Variants in CRYBA4 observed in about 807,000 individuals in gnomAD.
CRYBA4 encodes the protein beta-crystallin A4.
A neutral mutation model predicts 31.7 loss-of-function variants in CRYBA4; 30 were observed. The ratio of observed to expected loss-of-function variants is 0.95; its 90% CI spans 0.71 to 1.28. CRYBA4 has a LOEUF of 1.28. Among genes scored for constraint, CRYBA4 ranks in the 50% most tolerant of loss-of-function variants. The pLI is 0.00. For synonymous variants in CRYBA4, 102 were observed against 102.3 expected, an observed-to-expected ratio of 1.00 and a Z score of 0.02; for missense variants, 225 against 260.7, an observed-to-expected ratio of 0.86 and a Z score of 0.94.
chr22:26,622,046 C>G, intron 1 of CRYBA4, 60 bp downstream of exon 1: 1 of 929,652 alleles, frequency 1.1e-6, no homozygotes, highest in Non-Finnish European at 1.3e-6. Flanking sequence ...TTCTGGGAGG[C>G]GAGGAACCCA....
Position 26,628,376 on chromosome 22 carries a change from A to G in CRYBA4, c.389A>G (p.Gln130Arg). Reference sequence around the variant, plus strand: ...CTGAGCGATGACTATCCTTCCCTCCAGGCCATGGGATGGGAAGGCAATGAA... The same window carrying G: ...CTGAGCGATGACTATCCTTCCCTCCGGGCCATGGGATGGGAAGGCAATGAA... ...GELSDDYPSLQAMGWEGNEVG... is the reference protein window; with the variant it reads ...GELSDDYPSLRAMGWEGNEVG... Residue 130 changes from glutamine (Q) to arginine (R), a missense_variant, in exon 5 of 6, where the codon CAG (glutamine) becomes CGG (arginine). Physicochemically the swap from Gln to Arg is conservative, Grantham distance 43 (BLOSUM62 1). Coordinates refer to ENST00000354760, the MANE Select transcript of CRYBA4 (RefSeq NM_001886.3). 2.5e-6 allele frequency: 4 copies of G among 1,614,062 alleles called. No individual in the cohort carries two copies. The highest frequency in any genetic ancestry group is 1.7e-6 in the Non-Finnish European group (2 of 1,179,994).
chr22:26,617,711 C>A (rs1462088964), upstream of CRYBA4, among the ~76,000 whole-genome samples: 1 of 151,986 alleles, frequency 6.6e-6, no homozygotes, highest in African/African-American at 2.4e-5. Flanking sequence ...GTTCCTCTCT[C>A]CCCCACTATC....
chr22:26,600,911 A>G, the CRYBA4 span, among the ~76,000 whole-genome samples: 1 of 152,098 alleles, frequency 6.6e-6, no homozygotes, highest in Admixed American at 6.5e-5. Flanking sequence ...TTCTTTACCT[A>G]GTATTGTTGG....
chr22:26,605,519 CA>C, the CRYBA4 span, among the ~76,000 whole-genome samples: 1 of 151,780 alleles, frequency 6.6e-6, no homozygotes, highest in African/African-American at 2.4e-5. Flanking sequence ...ATAAAAAATA[CA>C]AAAATTATCT....
At chr22:26,603,137 A>AC in the CRYBA4 span, among the ~76,000 whole-genome samples, 5 of 147,420 alleles carry the variant, frequency 3.4e-5, no homozygotes, top group Admixed American at 1.4e-4. Flanking sequence ...AAAAAAAAAA[A>AC]AAAAAAACAA....
upstream of CRYBA4, among the ~76,000 whole-genome samples, chr22:26,619,908 G>A (rs1007524511): frequency 6.6e-6 from 1 of 152,192 alleles, no homozygotes; most frequent in Non-Finnish European, 1.5e-5. Flanking sequence ...GCTCCACTCT[G>A]AGCATTTATT....
the CRYBA4 span, among the ~76,000 whole-genome samples, chr22:26,614,457 G>T: frequency 6.6e-6 from 1 of 152,156 alleles, no homozygotes; most frequent in African/African-American, 2.4e-5. Context: ...CAGGTTCCCC[G>T]ATACCAGGAG....
the CRYBA4 span, among the ~76,000 whole-genome samples, chr22:26,605,969 T>A: frequency 1.3e-5 from 2 of 152,194 alleles, no homozygotes; most frequent in South Asian, 4.1e-4. Context: ...GCTTTGAATG[T>A]GGCCCAACAC....
chr22:26,627,553 CTTCTTTCA>C (rs906764631), intron 4 of CRYBA4, among the ~76,000 whole-genome samples: 4 of 84,712 alleles, frequency 4.7e-5, no homozygotes, highest in Non-Finnish European at 1.0e-4. Context: ...TCTTTCTTTC[CTTCTTTCA>C]TTCTCTGTCT....
At chr22:26,625,933 T>G (rs1463813162) in intron 4 of CRYBA4, among the ~76,000 whole-genome samples, 1 of 151,968 alleles carries the variant, frequency 6.6e-6, no homozygotes, top group African/African-American at 2.4e-5. Flanking sequence ...TCAGGGACCC[T>G]GAGAGAATCT....
the CRYBA4 span, among the ~76,000 whole-genome samples, chr22:26,608,700 C>T: frequency 1.4e-4 from 22 of 151,726 alleles, no homozygotes; most frequent in Admixed American, 1.3e-4. Context: ...ATTAAATGAA[C>T]GACAGTCTCG....
At chr22:26,608,501 C>G in the CRYBA4 span, among the ~76,000 whole-genome samples, 3 of 152,138 alleles carry the variant, frequency 2.0e-5, no homozygotes, top group Non-Finnish European at 4.4e-5. Context: ...AGACCACTAG[C>G]CCAGAACCTC....
the CRYBA4 span, chr22:26,607,938 G>C: frequency 1.9e-6 from 3 of 1,614,200 alleles, no homozygotes; most frequent in Non-Finnish European, 2.5e-6. Context: ...GTAGCTGCTC[G>C]ACCATGTGTT....
upstream of CRYBA4, among the ~76,000 whole-genome samples, chr22:26,620,624 G>A (rs1929504754): frequency 7.1e-6 from 1 of 140,948 alleles, no homozygotes; most frequent in Non-Finnish European, 1.5e-5. Context: ...AAGAGAAATG[G>A]CATGATCTTG....
At chr22:26,617,778 TTCTC>T (rs1367299357), upstream of CRYBA4, among the ~76,000 whole-genome samples, 13 of 152,006 alleles carry the variant, frequency 8.6e-5, no homozygotes, top group Non-Finnish European at 1.8e-4. Context: ...TTATATTTAC[TTCTC>T]TCTCTATTTC....
At chr22:26,596,445 A>G in the CRYBA4 span, among the ~76,000 whole-genome samples, 2 of 152,192 alleles carry the variant, frequency 1.3e-5, no homozygotes, top group African/African-American at 4.8e-5. Flanking sequence ...TAGTATGTTT[A>G]CCTTTTATAG....
intron 1 of CRYBA4, 117 bp from the exon 2 acceptor site, chr22:26,622,461 TGCCCCTA>T (rs1929561720): frequency 1.3e-6 from 1 of 797,886 alleles, no homozygotes; most frequent in Admixed American, 1.8e-5. Flanking sequence ...AGCCATGCAT[TGCCCCTA>T]GCCCAGTCAC....
intron 1 of CRYBA4, 36 bp downstream of exon 1, chr22:26,622,022 G>C (rs1312750855): frequency 1.0e-6 from 1 of 984,684 alleles, no homozygotes; most frequent in Non-Finnish European, 1.2e-6. Flanking sequence ...TGGGATCAGA[G>C]TTCTGAGTGA....
At chr22:26,614,720 G>A in the CRYBA4 span, among the ~76,000 whole-genome samples, 1 of 152,136 alleles carries the variant, frequency 6.6e-6, no homozygotes. Flanking sequence ...GGCCAGTTGC[G>A]GTGGCTCACA....
Sources: gnomAD v4.1 joint callset for allele counts (sites outside exome capture counted in the v4.1 genomes callset) on GRCh38, gnomAD v4.1.1 for gene constraint, MANE v1.5 for transcripts, NCBI Gene and HGNC (gene_info 2026-07-23, HGNC 2026-07-21) for gene names.